Variants in AUTS2 observed in about 807,000 individuals in gnomAD.
The protein encoded by AUTS2 is autism susceptibility gene 2 protein.
AUTS2 carries 17 observed loss-of-function variants against 112.4 expected under a neutral mutation model. The ratio of observed to expected loss-of-function variants is 0.15; its 90% CI spans 0.10 to 0.23. AUTS2 has a LOEUF of 0.23. Among genes scored for constraint, AUTS2 ranks in the 10% least tolerant of loss-of-function variants. AUTS2 has a pLI of 1.00. For synonymous variants in AUTS2, 751 were observed against 702.7 expected, an observed-to-expected ratio of 1.07 and a Z score of -1.09; for missense variants, 1,510 against 1,701.6, an observed-to-expected ratio of 0.89 and a Z score of 1.98.
intron 1 of AUTS2, among the ~76,000 whole-genome samples, chr7:69,671,909 C>A (rs1796345693): frequency 6.6e-6 from 1 of 151,770 alleles, no homozygotes; most frequent in South Asian, 2.1e-4. Context: ...GGAATTGGGG[C>A]ACTGGGAAAT....
At chr7:70,575,317 T>TGCCTGTGTGCACCCCC (rs1420933515) in intron 5 of AUTS2, among the ~76,000 whole-genome samples, 1 of 152,214 alleles carries the variant, frequency 6.6e-6, no homozygotes, top group Non-Finnish European at 1.5e-5. Context: ...GGGGCACCCC[T>TGCCTGTGTGCACCCCC]GCCTGTGTGC....
intron 1 of AUTS2, among the ~76,000 whole-genome samples, chr7:69,780,967 G>C (rs182615187): frequency 2.0e-5 from 3 of 152,190 alleles, no homozygotes; most frequent in African/African-American, 7.2e-5. Context: ...CTATAAATTA[G>C]AATTATAGTT....
chr7:70,116,926 G>A (rs934894660), intron 2 of AUTS2, among the ~76,000 whole-genome samples: 3 of 152,084 alleles, frequency 2.0e-5, no homozygotes, highest in African/African-American at 7.2e-5. Context: ...ACATTGCTTG[G>A]TGTTTCTGAA....
chr7:70,533,966 C>T lies in AUTS2; in HGVS notation c.690+98185C>T, dbSNP rs78552849. 2.6e-4 allele frequency among the ~76,000 whole-genome samples: 40 copies of T among 152,330 alleles called. 1 individual carries two copies. The East Asian group carries it at 7.7e-3, about 29-fold the overall frequency. On this transcript the variant is annotated intron_variant, in intron 5 of 18. Transcript: ENST00000342771. ...TCCACTCTGCCTACACAATGGTTGC[C>T]TTCAGTCTGGAGAGTAGTGAATGGC...
intron 5 of AUTS2, among the ~76,000 whole-genome samples, chr7:70,451,571 A>C (rs888732296): frequency 6.6e-6 from 1 of 152,124 alleles, no homozygotes; most frequent in Non-Finnish European, 1.5e-5. Context: ...TGTGCAACCT[A>C]TGTAGTTTTT....
At chr7:70,418,075 C>CTGTGTGTGTGTGTG (rs34869843) in intron 4 of AUTS2, among the ~76,000 whole-genome samples, 2,191 of 136,438 alleles carry the variant, frequency 0.016, 35 homozygotes, top group Middle Eastern at 0.045. Context: ...GGCTAACTTT[C>CTGTGTGTGTGTGTG]TGTGTGTGTG....
intron 1 of AUTS2, among the ~76,000 whole-genome samples, chr7:69,681,075 A>G (rs1796770096): frequency 1.3e-5 from 2 of 152,238 alleles, no homozygotes; most frequent in East Asian, 1.9e-4. Context: ...TTCATGTACC[A>G]TATGACAGAA....
At chr7:69,843,960 C>A (rs1792088981) in intron 1 of AUTS2, among the ~76,000 whole-genome samples, 3 of 152,074 alleles carry the variant, frequency 2.0e-5, no homozygotes, top group Admixed American at 6.6e-5. Flanking sequence ...TTCAAGTGGC[C>A]TGATAAATAG....
At chr7:69,736,120 A>C (rs889003261) in intron 1 of AUTS2, among the ~76,000 whole-genome samples, 3 of 152,176 alleles carry the variant, frequency 2.0e-5, no homozygotes, top group Non-Finnish European at 4.4e-5. Flanking sequence ...AATTGTTTAA[A>C]GTGGTACTTT....
chr7:70,417,323 AG>A (rs1229948227), intron 4 of AUTS2, among the ~76,000 whole-genome samples: 8 of 152,316 alleles, frequency 5.3e-5, no homozygotes, highest in African/African-American at 1.9e-4. Flanking sequence ...CAAAACCATC[AG>A]GGCGCTCAGC....
chr7:70,737,179 T>C (rs1787823860), intron 6 of AUTS2, among the ~76,000 whole-genome samples: 1 of 152,232 alleles, frequency 6.6e-6, no homozygotes, highest in Non-Finnish European at 1.5e-5. Flanking sequence ...TAGACAGATT[T>C]GGGTAGTGCA....
At chr7:70,354,733 G>A (rs760752707) in intron 4 of AUTS2, among the ~76,000 whole-genome samples, 6 of 152,136 alleles carry the variant, frequency 3.9e-5, no homozygotes, top group Admixed American at 1.3e-4. Context: ...TAAAACCTAC[G>A]CCCTGTTCCT....
At position 70,790,997 on chromosome 7, in the gene AUTS2, G is replaced by C. The variant is rs1278704807; in HGVS notation, c.*1G>C. 6.7e-7 allele frequency: 1 copy of C among 1,492,388 alleles called. No homozygotes were observed. The highest frequency in any genetic ancestry group is 1.4e-5 in the African/African-American group (1 of 71,152). The allele number at this position is 1,492,388 out of a possible 1,614,324, so 92.4% of individuals were successfully genotyped here. Reference sequence around the variant, plus strand: ...GCTGAAGGATATCGAGGCCCGATAAGCCGAGAACAGGAGCAAGAACGAGGA... The same window carrying C: ...GCTGAAGGATATCGAGGCCCGATAACCCGAGAACAGGAGCAAGAACGAGGA... On this transcript the variant is annotated 3_prime_UTR_variant, in exon 19 of 19. Transcript: ENST00000342771. This position sits in a 1 kb window ranked among gnomAD's most constrained non-coding sequence, Gnocchi z 7.6.
At chr7:69,672,924 GA>G (rs1463643318) in intron 1 of AUTS2, among the ~76,000 whole-genome samples, 2 of 152,202 alleles carry the variant, frequency 1.3e-5, no homozygotes. Context: ...GAACCACTGG[GA>G]ATTTGTGGAC....
At chr7:70,011,617 CTGCTTGGAGGA>C (rs960694018) in intron 2 of AUTS2, among the ~76,000 whole-genome samples, 1 of 152,166 alleles carries the variant, frequency 6.6e-6, no homozygotes, top group African/African-American at 2.4e-5. Context: ...GAAACCTTCA[CTGCTTGGAGGA>C]TGTATAAATG....
chr7:70,010,215 A>C (rs1228869681), intron 2 of AUTS2, among the ~76,000 whole-genome samples: 2 of 152,112 alleles, frequency 1.3e-5, no homozygotes, highest in Non-Finnish European at 2.9e-5. Flanking sequence ...GTGTGGTCAC[A>C]GCTCACTGCA....
intron 5 of AUTS2, among the ~76,000 whole-genome samples, chr7:70,495,527 G>A (rs147228036): frequency 8.8e-4 from 134 of 151,656 alleles, no homozygotes; most frequent in African/African-American, 3.0e-3. Context: ...AACTCTTTCC[G>A]CCACCCTACA....
In AUTS2 at chr7:70,788,141, T is replaced by C. The variant is rs780871099; in HGVS notation, c.2531+710T>C. 1.1e-3 allele frequency among the ~76,000 whole-genome samples: 164 copies of C among 152,200 alleles called. 1 individual carries two copies. Among genetic ancestry groups the C allele is most frequent in the Non-Finnish European group, 2.0e-3 (136 of 68,042 alleles). On this transcript the variant is annotated intron_variant, in intron 18 of 18. Coordinates refer to ENST00000342771, the MANE Select transcript of AUTS2 (RefSeq NM_015570.4). ...TTCTTGACAAAAATGTCTTTTTTTTTTTCTTTCTTTAGGCTATTTATTTTC... is the reference window on the plus strand; with the variant it reads ...TTCTTGACAAAAATGTCTTTTTTTTCTTCTTTCTTTAGGCTATTTATTTTC...
intron 1 of AUTS2, among the ~76,000 whole-genome samples, chr7:69,616,480 C>T (rs1215133529): frequency 1.3e-5 from 2 of 152,084 alleles, no homozygotes; most frequent in Non-Finnish European, 2.9e-5. Flanking sequence ...AAGAGACCAC[C>T]CCCTGAATCC....
Sources: allele counts gnomAD v4.1 joint callset (sites outside exome capture counted in the v4.1 genomes callset), GRCh38; gene constraint gnomAD v4.1.1; non-coding constraint Gnocchi (gnomAD v3.1); transcripts MANE v1.5; gene names NCBI Gene and HGNC (gene_info 2026-07-23, HGNC 2026-07-21).